The following DYNC2I1 variants were observed in gnomAD, a reference collection of about 807,000 sequenced individuals.
DYNC2I1 encodes the protein cytoplasmic dynein 2 intermediate chain 1.
In DYNC2I1, 89 loss-of-function variants were observed where a neutral mutation model predicts 133.4. The observed-to-expected ratio is 0.67, with a 90% confidence interval of 0.56 to 0.80. The LOEUF (loss-of-function observed/expected upper bound fraction) is 0.80. DYNC2I1 is among the 30% of genes least tolerant of loss of function. The probability of loss-of-function intolerance (pLI) is 0.00; values close to 1 mark genes in which losing one functional copy is unlikely to be tolerated. For synonymous variants in DYNC2I1, 504 were observed against 484.3 expected, an observed-to-expected ratio of 1.04 and a Z score of -0.54; for missense variants, 1,291 against 1,314.5, an observed-to-expected ratio of 0.98 and a Z score of 0.28.
chr7:158,901,659 A>C (rs1029675180), intron 8 of DYNC2I1, 80 bp from the exon 9 acceptor site: 2 of 887,740 alleles, frequency 2.3e-6, no homozygotes, highest in Non-Finnish European at 3.5e-6. Flanking sequence ...GTCAGAAAAC[A>C]TATATGTTTT....
intron 21 of DYNC2I1, among the ~76,000 whole-genome samples, chr7:158,931,281 T>G (rs936843343): frequency 1.3e-5 from 2 of 152,244 alleles, no homozygotes; most frequent in Non-Finnish European, 2.9e-5. Flanking sequence ...GTATCTTTTC[T>G]TGTCATTTAC....
chr7:158,923,264 G>A (rs1219104902), intron 16 of DYNC2I1, among the ~76,000 whole-genome samples: 3 of 152,180 alleles, frequency 2.0e-5, no homozygotes, highest in African/African-American at 7.2e-5. Flanking sequence ...TACTTCTGAG[G>A]TTCAGCCGAT....
chr7:158,914,675 C>T (rs996110327), intron 14 of DYNC2I1, among the ~76,000 whole-genome samples: 2 of 152,184 alleles, frequency 1.3e-5, no homozygotes, highest in Non-Finnish European at 2.9e-5. Context: ...TCTGATTTTA[C>T]AAGCTGATTT....
chr7:158,948,075 G>C (rs1851944695), downstream of DYNC2I1, among the ~76,000 whole-genome samples: 1 of 152,268 alleles, frequency 6.6e-6, no homozygotes, highest in South Asian at 2.1e-4. Context: ...CCCAGGTGCA[G>C]CCTGCCCTGG....
rs1007232221 is a variant in DYNC2I1 at position 158,912,598 on chromosome 7, A to G, written c.1591-387A>G. Among the ~76,000 whole-genome samples, 8 of 152,162 alleles carry G rather than the reference A, an allele frequency of 5.3e-5. No individual in the cohort carries two copies. In the East Asian group the frequency reaches 5.8e-4, roughly 11 times the overall value. ...CTGGTTTTGCAGCTGATTCACTCTG[A>G]CCTTAAGTAGATTATTTATCTTTGG... On this transcript the variant is annotated intron_variant, in intron 12 of 24. Transcript: ENST00000407559.
Position 158,919,176 on chromosome 7 carries a change from C to T in DYNC2I1, c.1921+307C>T, listed in dbSNP as rs1043701759. The stretch of plus-strand genomic sequence containing the variant: ...TGTGTTTGAAATCCTGTTTTCTTTT[C>T]TCTTCCAGTTATTCAGTTTCTTTTC... On this transcript the variant is annotated intron_variant, in intron 15 of 24. Transcript: ENST00000407559. Among the ~76,000 whole-genome samples the T allele has an allele frequency of 4.6e-5, 7 of 152,200 alleles. No individual in the cohort carries two copies. The East Asian group carries it at 7.7e-4, about 17-fold the overall frequency.
At chr7:158,929,370 G>A (rs542906737) in intron 20 of DYNC2I1, among the ~76,000 whole-genome samples, 9 of 152,288 alleles carry the variant, frequency 5.9e-5, no homozygotes, top group Non-Finnish European at 1.2e-4. Flanking sequence ...TTACTGGAGC[G>A]GAGGCGCAGT....
chr7:158,886,920 T>A, intron 6 of DYNC2I1, 101 bp from the exon 7 acceptor site: 1 of 1,128,720 alleles, frequency 8.9e-7, no homozygotes, highest in Non-Finnish European at 1.3e-6. Flanking sequence ...CTTAATCATA[T>A]CAAAATATTG....
intron 5 of DYNC2I1, among the ~76,000 whole-genome samples, chr7:158,884,055 T>C (rs1290949882): frequency 6.7e-6 from 1 of 150,248 alleles, no homozygotes; most frequent in Non-Finnish European, 1.5e-5. Context: ...AATTTTTTTT[T>C]TTTTTTTGAG....
At chr7:158,845,380 A>C in the DYNC2I1 span, among the ~76,000 whole-genome samples, 5 of 152,178 alleles carry the variant, frequency 3.3e-5, no homozygotes, top group African/African-American at 1.2e-4. Context: ...TTGGCTTTAA[A>C]ATTATTGGTA....
At chr7:158,947,006 G>A (rs1851907720), downstream of DYNC2I1, among the ~76,000 whole-genome samples, 2 of 152,252 alleles carry the variant, frequency 1.3e-5, no homozygotes, top group African/African-American at 4.8e-5. Context: ...AGCCACCCGA[G>A]CAACCGCCAG....
chr7:158,854,140 G>A (rs543041770), upstream of DYNC2I1, among the ~76,000 whole-genome samples: 3 of 152,220 alleles, frequency 2.0e-5, no homozygotes, highest in East Asian at 3.9e-4. Context: ...AAGACCAGAT[G>A]AGCCAGTTTA....
In DYNC2I1 at chr7:158,930,763, G is replaced by A. The variant is rs115868134; in HGVS notation, c.2546+248G>A. Among the ~76,000 whole-genome samples, 1,507 of 152,206 alleles carry A rather than the reference G, an allele frequency of 9.9e-3. 29 individuals are homozygous for A. The highest frequency in any genetic ancestry group is 0.034 in the African/African-American group (1,411 of 41,520). The stretch of plus-strand genomic sequence containing the variant: ...GGCTTGCTGCAAACTCTGCCTCCCT[G>A]GTTCAAGCGATTCTCCTGTTCAGCC... On this transcript the variant is annotated intron_variant, in intron 21 of 24. Transcript: ENST00000407559.
At chr7:158,951,960 G>A (rs1264357479) in intron 4 of DYNC2I1, among the ~76,000 whole-genome samples, 1 of 152,148 alleles carries the variant, frequency 6.6e-6, no homozygotes, top group African/African-American at 2.4e-5. Context: ...CTGGGTTGAG[G>A]CATCCTCCAG....
intron 1 of DYNC2I1, among the ~76,000 whole-genome samples, chr7:158,860,179 G>A (rs1445998995): frequency 5.3e-5 from 8 of 151,204 alleles, no homozygotes; most frequent in East Asian, 2.0e-4. Flanking sequence ...CCTCAGCCTC[G>A]CAAGTAGCTG....
In DYNC2I1 at chr7:158,928,830, C is replaced by A. The variant is rs567834368; in HGVS notation, c.2486-1625C>A. Among the ~76,000 whole-genome samples, 14 of 152,210 alleles carry A rather than the reference C, an allele frequency of 9.2e-5. 1 individual carries two copies. The highest frequency in any genetic ancestry group is 3.1e-4 in the African/African-American group (13 of 41,544). ...CACCCAGGATTCCGCCCCAAATGCC[C>A]AGAACTCTTGTGACCTTAAGAGTGC... On this transcript the variant is annotated intron_variant, in intron 20 of 24. Coordinates refer to ENST00000407559, the MANE Select transcript of DYNC2I1 (RefSeq NM_018051.5).
rs1554455812 is a variant in DYNC2I1 at position 158,894,132 on chromosome 7, A to ACCGCATATCATACCGCATATCC, written c.1059+2799_1059+2800insCCGCATATCATACCGCATATCC. Among the ~76,000 whole-genome samples, 127 of 151,072 alleles carry ACCGCATATCATACCGCATATCC rather than the reference A, an allele frequency of 8.4e-4. 1 individual carries two copies. The highest frequency in any genetic ancestry group is 1.1e-3 in the Non-Finnish European group (73 of 67,706). ...CCTACTGCATATCCTACCGCATATC[A>ACCGCATATCATACCGCATATCC]TACCGCATATCCTACCACATATCGT... On this transcript the variant is annotated intron_variant, in intron 8 of 24. Coordinates refer to ENST00000407559, the MANE Select transcript of DYNC2I1 (RefSeq NM_018051.5).
downstream of DYNC2I1, among the ~76,000 whole-genome samples, chr7:158,947,271 T>G (rs1199182206): frequency 6.6e-6 from 1 of 151,956 alleles, no homozygotes; most frequent in Non-Finnish European, 1.5e-5. Context: ...GGAAGTGGAG[T>G]GGACACACGG....
chr7:158,930,579 A>G, intron 21 of DYNC2I1, 64 bp downstream of exon 21: 7 of 1,364,086 alleles, frequency 5.1e-6, no homozygotes, highest in Non-Finnish European at 6.2e-6. Context: ...AACATTGGGG[A>G]ATTGCATATA....
Sources: gnomAD v4.1 joint callset for allele counts (sites outside exome capture counted in the v4.1 genomes callset) on GRCh38, gnomAD v4.1.1 for gene constraint, MANE v1.5 for transcripts, NCBI Gene and HGNC (gene_info 2026-07-23, HGNC 2026-07-21) for gene names.